The following FSTL5 variants were observed in gnomAD, a reference collection of about 807,000 sequenced individuals.
The protein encoded by FSTL5 is follistatin like 5.
In FSTL5, 62 loss-of-function variants were observed where a neutral mutation model predicts 89.1. That is an observed-to-expected ratio of 0.70 (90% CI 0.57 to 0.86). FSTL5 has a LOEUF of 0.86. Among genes scored for constraint, FSTL5 ranks in the 40% least tolerant of loss-of-function variants. FSTL5 has a pLI of 0.00. For missense variants in FSTL5, 1,057 were observed against 1,001.6 expected (o/e 1.06, Z -0.75); for synonymous variants, 383 against 346.2 (o/e 1.11, Z -1.18).
In FSTL5 at chr4:161,459,327, AAAG is replaced by A; in HGVS notation, c.1609-11_1609-9del. On this transcript the variant is annotated splice_polypyrimidine_tract_variant and intron_variant, in intron 13 of 15. Coordinates refer to ENST00000306100, the MANE Select transcript of FSTL5 (RefSeq NM_020116.5). Reference sequence around the variant, plus strand: ...AGGGTCTGTGCTCACTGCCTACAATAAAGAAGAATTGAAAAAAATGTTTTAGAC... The same window carrying A: ...AGGGTCTGTGCTCACTGCCTACAATAAAGAATTGAAAAAAATGTTTTAGAC... 1 of 1,576,322 alleles carries A rather than the reference AAAG, an allele frequency of 6.3e-7. No homozygotes were observed. The highest frequency in any genetic ancestry group is 1.7e-5 in the Admixed American group (1 of 58,764).
At chr4:161,597,956 T>C (rs1734086154) in intron 7 of FSTL5, among the ~76,000 whole-genome samples, 1 of 152,022 alleles carries the variant, frequency 6.6e-6, no homozygotes, top group African/African-American at 2.4e-5. Context: ...ATGATAACAG[T>C]TTATTGAAAG....
chr4:162,116,513 C>A (rs1731646233), intron 1 of FSTL5, among the ~76,000 whole-genome samples: 1 of 152,186 alleles, frequency 6.6e-6, no homozygotes, highest in Non-Finnish European at 1.5e-5. Context: ...CCCTGCCACC[C>A]AACTCCCACC....
chr4:161,416,142 T>C (rs926134566), intron 15 of FSTL5, among the ~76,000 whole-genome samples: 1 of 152,150 alleles, frequency 6.6e-6, no homozygotes, highest in African/African-American at 2.4e-5. Context: ...AATTTTGTCG[T>C]TATTATCCCA....
intron 7 of FSTL5, among the ~76,000 whole-genome samples, chr4:161,625,999 G>A (rs995821754): frequency 1.1e-4 from 17 of 152,074 alleles, no homozygotes; most frequent in Non-Finnish European, 2.1e-4. Flanking sequence ...AAATTTGGAA[G>A]CTTTTCTTCT....
At position 161,459,223 on chromosome 4, in the gene FSTL5, G is replaced by A. The variant is rs539574242; in HGVS notation, c.1705C>T (p.Pro569Ser). The A allele has an allele frequency of 6.3e-6, 10 of 1,588,480 alleles. No individual in the cohort carries two copies. The Middle Eastern group carries it at 6.7e-4, about 106-fold the overall frequency. Residue 569 changes from proline to serine, a missense_variant, in exon 14 of 16, where the codon CCA (proline) becomes TCA (serine). Around this residue, in one of 3 missense-constraint regions of FSTL5, gnomAD observed 980 missense variants for 903.2 expected, o/e 1.08. Coordinates refer to ENST00000306100, the MANE Select transcript of FSTL5 (RefSeq NM_020116.5). ...LSWGTLEKTS[P>S]TLQVITLASG... ...TGAAATGTACTTACCTGTAGTGTTG[G>A]TGATGTCTTCTCCAAGGTACCCCAG...
At chr4:161,602,190 A>G (rs190514845) in intron 7 of FSTL5, among the ~76,000 whole-genome samples, 4 of 151,768 alleles carry the variant, frequency 2.6e-5, no homozygotes, top group East Asian at 1.9e-4. Context: ...AAAGAAAACA[A>G]AAAGCGTGTG....
At chr4:161,430,396 T>C (rs926138690) in intron 15 of FSTL5, among the ~76,000 whole-genome samples, 2 of 152,074 alleles carry the variant, frequency 1.3e-5, no homozygotes. Context: ...AAAAAGGTTA[T>C]AGAACACCAA....
intron 3 of FSTL5, among the ~76,000 whole-genome samples, chr4:161,966,700 G>C (rs1038518276): frequency 1.3e-5 from 2 of 152,082 alleles, no homozygotes; most frequent in African/African-American, 4.8e-5. Context: ...TTCTCTCGCT[G>C]CCCTCAGAAG....
At chr4:161,903,690 C>G (rs889574251) in intron 4 of FSTL5, among the ~76,000 whole-genome samples, 1 of 151,836 alleles carries the variant, frequency 6.6e-6, no homozygotes, top group Admixed American at 6.6e-5. Context: ...TAATTGAGGC[C>G]CATGGAGCAT....
At chr4:161,637,470 AG>A (rs1578985512) in intron 7 of FSTL5, among the ~76,000 whole-genome samples, 1 of 151,624 alleles carries the variant, frequency 6.6e-6, no homozygotes, top group East Asian at 1.9e-4. Flanking sequence ...TAGTTTAATG[AG>A]ATCTCATTTG....
intron 4 of FSTL5, among the ~76,000 whole-genome samples, chr4:161,857,305 C>A (rs1047157758): frequency 6.6e-6 from 1 of 151,982 alleles, no homozygotes; most frequent in Non-Finnish European, 1.5e-5. Flanking sequence ...ACAGATTGCA[C>A]GTGAAATAGA....
At chr4:161,864,334 C>T (rs983786999) in intron 4 of FSTL5, among the ~76,000 whole-genome samples, 5 of 152,046 alleles carry the variant, frequency 3.3e-5, no homozygotes, top group African/African-American at 9.7e-5. Context: ...TCTTAAAAGC[C>T]GTATGGTTAG....
chr4:161,828,901 C>T (rs994091215), intron 4 of FSTL5, among the ~76,000 whole-genome samples: 7 of 151,836 alleles, frequency 4.6e-5, no homozygotes, highest in Non-Finnish European at 1.0e-4. Flanking sequence ...TTGATTTGCT[C>T]TGCTATAGAC....
chr4:161,451,672 A>T (rs1195367607), intron 15 of FSTL5, among the ~76,000 whole-genome samples: 1 of 152,180 alleles, frequency 6.6e-6, no homozygotes, highest in Non-Finnish European at 1.5e-5. Context: ...AGCAGATGTA[A>T]ATTCTTATTA....
intron 2 of FSTL5, among the ~76,000 whole-genome samples, chr4:162,042,321 G>T (rs1207672399): frequency 6.6e-6 from 1 of 152,082 alleles, no homozygotes; most frequent in Non-Finnish European, 1.5e-5. Flanking sequence ...CCAAGATCAT[G>T]TATGTTCAAA....
At chr4:161,705,403 A>C (rs1332617702) in intron 6 of FSTL5, among the ~76,000 whole-genome samples, 2 of 152,118 alleles carry the variant, frequency 1.3e-5, no homozygotes, top group Non-Finnish European at 2.9e-5. Flanking sequence ...TTGATTTTTG[A>C]ATTTAAAAGA....
chr4:161,683,649 G>GAAAATTTGCTAAATAA (rs1737602629), intron 6 of FSTL5, among the ~76,000 whole-genome samples: 1 of 152,136 alleles, frequency 6.6e-6, no homozygotes, highest in Non-Finnish European at 1.5e-5. Flanking sequence ...CTAAATGTAT[G>GAAAATTTGCTAAATAA]TGTGTGAGTA....
At chr4:161,507,987 T>C (rs770870948) in intron 11 of FSTL5, among the ~76,000 whole-genome samples, 1 of 151,960 alleles carries the variant, frequency 6.6e-6, no homozygotes, top group Non-Finnish European at 1.5e-5. Flanking sequence ...GAGGTAAATA[T>C]ATAAATATAA....
intron 3 of FSTL5, among the ~76,000 whole-genome samples, chr4:161,940,049 AG>A (rs1448547877): frequency 6.6e-6 from 1 of 151,904 alleles, no homozygotes; most frequent in African/African-American, 2.4e-5. Context: ...CCATGATTTC[AG>A]AAATTCTGGC....
Sources: gnomAD v4.1 joint callset for allele counts (sites outside exome capture counted in the v4.1 genomes callset) on GRCh38, gnomAD v4.1.1 for gene constraint, gnomAD v4.1.1 regional missense constraint, MANE v1.5 for transcripts, NCBI Gene and HGNC (gene_info 2026-07-23, HGNC 2026-07-21) for gene names.